The following PLCB4 variants were observed in gnomAD, a reference collection of about 807,000 sequenced individuals.
PLCB4 encodes phospholipase C beta 4, also known as 1-phosphatidylinositol 4,5-bisphosphate phosphodiesterase beta-4.
Under a neutral mutation model 178.8 loss-of-function variants are expected in PLCB4, and 77 were observed. The observed-to-expected ratio is 0.43, with a 90% CI of 0.36 to 0.52. The LOEUF (loss-of-function observed/expected upper bound fraction) is 0.52, where lower values mean the gene tolerates loss of function less well. Ranked by LOEUF, PLCB4 falls within the 20% of genes least tolerant of loss-of-function variation. PLCB4 has a pLI of 0.00. For synonymous variants in PLCB4, 496 were observed against 490.8 expected (o/e 1.01, Z -0.14); for missense variants, 1,024 against 1,453.4 (o/e 0.70, Z 4.80).
chr20:9,230,626 T>C (rs1179519607), intron 3 of PLCB4, among the ~76,000 whole-genome samples: 1 of 152,104 alleles, frequency 6.6e-6, no homozygotes, highest in East Asian at 1.9e-4. Context: ...TGGGCTGGCC[T>C]TGATTGGGAA....
At chr20:9,109,730 T>C (rs1370180177) in intron 2 of PLCB4, among the ~76,000 whole-genome samples, 2 of 152,202 alleles carry the variant, frequency 1.3e-5, no homozygotes, top group East Asian at 1.9e-4. Flanking sequence ...CAGCCACAGA[T>C]GGACTAAGTT....
intron 2 of PLCB4, among the ~76,000 whole-genome samples, chr20:9,107,510 G>A (rs181223860): frequency 2.4e-4 from 36 of 152,232 alleles, no homozygotes; most frequent in Admixed American, 2.0e-3. Flanking sequence ...TGTCATCTGT[G>A]GGGGGCGACC....
At chr20:9,187,742 T>C (rs2093348761) in intron 2 of PLCB4, among the ~76,000 whole-genome samples, 1 of 152,234 alleles carries the variant, frequency 6.6e-6, no homozygotes, top group South Asian at 2.1e-4. Context: ...AAGTTTTAGT[T>C]GGAAAATGAT....
intron 12 of PLCB4, among the ~76,000 whole-genome samples, chr20:9,377,224 C>T (rs965462494): frequency 7.2e-5 from 11 of 152,102 alleles, no homozygotes; most frequent in Non-Finnish European, 1.0e-4. Flanking sequence ...AGTTCTGTGA[C>T]CTATTTTTGG....
intron 3 of PLCB4, among the ~76,000 whole-genome samples, chr20:9,296,813 A>G (rs1264909645): frequency 6.6e-6 from 1 of 152,058 alleles, no homozygotes. Flanking sequence ...AACAATGAGA[A>G]CACATGGACA....
At chr20:9,106,229 A>G (rs2091356210) in intron 2 of PLCB4, among the ~76,000 whole-genome samples, 1 of 151,998 alleles carries the variant, frequency 6.6e-6, no homozygotes, top group Non-Finnish European at 1.5e-5. Flanking sequence ...AATTAAACCA[A>G]CAGTGGTATA....
intron 9 of PLCB4, among the ~76,000 whole-genome samples, chr20:9,369,028 T>C (rs2036015750): frequency 6.6e-6 from 1 of 152,208 alleles, no homozygotes; most frequent in Non-Finnish European, 1.5e-5. Context: ...ATTATCTCCC[T>C]TCTTGGCCCC....
At chr20:9,122,378 G>A (rs1383535024) in intron 2 of PLCB4, among the ~76,000 whole-genome samples, 2 of 151,414 alleles carry the variant, frequency 1.3e-5, no homozygotes, top group East Asian at 1.9e-4. Context: ...TTGTGATTAC[G>A]TCCTACGTGA....
At chr20:9,252,632 TA>T (rs1173100247) in intron 3 of PLCB4, among the ~76,000 whole-genome samples, 5 of 152,152 alleles carry the variant, frequency 3.3e-5, no homozygotes, top group African/African-American at 4.8e-5. Context: ...GGATATCAGA[TA>T]GCTAGTAAAA....
intron 3 of PLCB4, among the ~76,000 whole-genome samples, chr20:9,304,237 GT>G (rs145764256): frequency 0.01 from 1,490 of 146,004 alleles, 17 homozygotes; most frequent in African/African-American, 0.039. Flanking sequence ...GTATGTGTGT[GT>G]GGGGGGGTGT....
intron 25 of PLCB4, among the ~76,000 whole-genome samples, chr20:9,416,756 AGT>A (rs1395075192): frequency 6.6e-6 from 1 of 152,236 alleles, no homozygotes; most frequent in Non-Finnish European, 1.5e-5. Context: ...TGGAGACAAG[AGT>A]GTTCAAAATT....
At chr20:9,231,923 T>C (rs1414759570) in intron 3 of PLCB4, among the ~76,000 whole-genome samples, 1 of 152,038 alleles carries the variant, frequency 6.6e-6, no homozygotes, top group Non-Finnish European at 1.5e-5. Flanking sequence ...AGGTGATGGA[T>C]AAAAAAGTTA....
intron 23 of PLCB4, 84 bp downstream of exon 23, chr20:9,408,801 T>C: frequency 1.3e-6 from 1 of 763,410 alleles, no homozygotes; most frequent in Admixed American, 2.0e-5. Context: ...GGCTAATATC[T>C]CATTCTGGTG....
chr20:9,301,283 C>T (rs1033390957), intron 3 of PLCB4, among the ~76,000 whole-genome samples: 1 of 151,888 alleles, frequency 6.6e-6, no homozygotes, highest in Non-Finnish European at 1.5e-5. Context: ...GCCATTTATT[C>T]AGCCTGCCAT....
At chr20:9,427,631 A>G (rs1451881527) in intron 28 of PLCB4, among the ~76,000 whole-genome samples, 4 of 152,242 alleles carry the variant, frequency 2.6e-5, no homozygotes, top group Admixed American at 6.5e-5. Context: ...GCATTTGCCC[A>G]TTGCAAGGCT....
chr20:9,187,760 G>T (rs534459115), intron 2 of PLCB4, among the ~76,000 whole-genome samples: 30 of 152,140 alleles, frequency 2.0e-4, no homozygotes, highest in Non-Finnish European at 3.5e-4. Context: ...GATAATTTCC[G>T]TAGGCAAATA....
In PLCB4 at chr20:9,217,373, G is replaced by C. The variant is rs1173516499; in HGVS notation, c.-78-17G>C. On this transcript the variant is annotated splice_polypyrimidine_tract_variant and intron_variant, in intron 2 of 39. Transcript: ENST00000378473. ...AAAGTCCTTTACATCGATTTGTCTT[G>C]TCTGTGTCTGTTTCAGAGGACAGTG... The C allele has an allele frequency of 6.6e-6, 1 of 152,114 alleles. No individual in the cohort carries two copies. Among genetic ancestry groups the C allele is most frequent in the African/African-American group, 2.4e-5 (1 of 41,406 alleles). The allele number at this position is 152,114 out of a possible 1,614,324, so 9.4% of individuals were successfully genotyped here. A position where few individuals can be genotyped will look rare whatever the true frequency, so the allele number is the denominator to read the frequency against.
intron 2 of PLCB4, among the ~76,000 whole-genome samples, chr20:9,135,845 C>G (rs1030999165): frequency 3.9e-5 from 6 of 152,166 alleles, no homozygotes; most frequent in African/African-American, 1.4e-4. Context: ...GTGCGTAAGT[C>G]CTAGTACTGG....
chr20:9,298,519 T>C (rs1216310401), intron 3 of PLCB4, among the ~76,000 whole-genome samples: 2 of 152,110 alleles, frequency 1.3e-5, no homozygotes, highest in East Asian at 3.9e-4. Flanking sequence ...CTAAGCATAT[T>C]TTAGACATGT....
Sources: gnomAD v4.1 joint callset for allele counts (sites outside exome capture counted in the v4.1 genomes callset) on GRCh38, gnomAD v4.1.1 for gene constraint, MANE v1.5 for transcripts, NCBI Gene and HGNC (gene_info 2026-07-23, HGNC 2026-07-21) for gene names.